DLG2: variants seen among roughly 807,000 people sequenced by gnomAD.
The protein encoded by DLG2 is disks large homolog 2.
DLG2 carries 45 observed loss-of-function variants against 132.5 expected under a neutral mutation model. That is an observed-to-expected ratio of 0.34 (90% CI 0.27 to 0.44). The LOEUF is 0.44. Ranked by LOEUF, DLG2 falls within the 20% of genes least tolerant of loss-of-function variation. The probability of loss-of-function intolerance (pLI) is 1.00; values close to 1 mark genes in which losing one functional copy is unlikely to be tolerated. For missense variants in DLG2, 1,045 were observed against 1,196.9 expected (o/e 0.87, Z 1.87); for synonymous variants, 424 against 419.6 (o/e 1.01, Z -0.13).
rs71465962 is a variant in DLG2 at position 84,106,868 on chromosome 11, TGA to T, written c.625-7823_625-7822del. On this transcript the variant is annotated intron_variant, in intron 9 of 27. Transcript: ENST00000376104. ...TTGAGTGAGTGTGTGTGTGTATGTGTGAGAGAGAGAGAGAGAGAGTTTTAGCT... is the reference window on the plus strand; with the variant it reads ...TTGAGTGAGTGTGTGTGTGTATGTGTGAGAGAGAGAGAGAGAGTTTTAGCT... 5.8e-3 allele frequency among the ~76,000 whole-genome samples: 793 copies of T among 137,588 alleles called. 7 individuals carry two copies. Among genetic ancestry groups the T allele is most frequent in the African/African-American group, 0.019 (677 of 36,448 alleles). The allele number at this position is 137,588 out of a possible 152,430, so 90.3% of individuals were successfully genotyped here.
chr11:84,777,321 A>ATG (rs1431604168), intron 6 of DLG2, among the ~76,000 whole-genome samples: 1 of 89,186 alleles, frequency 1.1e-5, no homozygotes, highest in Non-Finnish European at 2.4e-5. Flanking sequence ...ATATATATAT[A>ATG]TATACGTTTT....
chr11:84,227,878 C>T (rs907857150), intron 8 of DLG2, among the ~76,000 whole-genome samples: 2 of 142,208 alleles, frequency 1.4e-5, no homozygotes, highest in Admixed American at 7.5e-5. Flanking sequence ...CACACCACTG[C>T]ACTATAGCCT....
chr11:85,209,287 A>AT (rs903054212), intron 4 of DLG2, among the ~76,000 whole-genome samples: 9 of 151,716 alleles, frequency 5.9e-5, no homozygotes, highest in African/African-American at 9.7e-5. Flanking sequence ...ATCAATGTTG[A>AT]TTTTTTTTAG....
At chr11:83,651,034 A>G (rs1352863393) in intron 18 of DLG2, among the ~76,000 whole-genome samples, 1 of 152,136 alleles carries the variant, frequency 6.6e-6, no homozygotes, top group Non-Finnish European at 1.5e-5. Context: ...TCATATATAT[A>G]TTCATTTTTG....
Position 84,032,834 on chromosome 11 carries a change from A to G in DLG2, c.919+26481T>C, listed in dbSNP as rs372994066. 3.4e-3 allele frequency among the ~76,000 whole-genome samples: 518 copies of G among 152,196 alleles called. 1 individual carries two copies. Among genetic ancestry groups the G allele is most frequent in the South Asian group, 0.013 (63 of 4,818 alleles). ...AGTGGAAGCCAATGCTTATTTACCA[A>G]TCCCCAAATCCTGGAGCCCTTAAGA... is the stretch of plus-strand genomic sequence containing the variant. On this transcript the variant is annotated intron_variant, in intron 11 of 27. Coordinates refer to ENST00000376104, the MANE Select transcript of DLG2 (RefSeq NM_001142699.3).
chr11:84,465,445 T>C (rs1400581526), intron 7 of DLG2, among the ~76,000 whole-genome samples: 1 of 151,282 alleles, frequency 6.6e-6, no homozygotes, highest in Non-Finnish European at 1.5e-5. Flanking sequence ...GAGATTCTCA[T>C]GTTACGTGCA....
chr11:84,973,387 G>C (rs2054382596), intron 6 of DLG2, among the ~76,000 whole-genome samples: 1 of 152,158 alleles, frequency 6.6e-6, no homozygotes. Context: ...TGCAGCAAAT[G>C]GCTTCTTATG....
chr11:83,971,565 C>T (rs2091349161), intron 12 of DLG2, among the ~76,000 whole-genome samples: 1 of 152,060 alleles, frequency 6.6e-6, no homozygotes, highest in Non-Finnish European at 1.5e-5. Context: ...AAGATACTGA[C>T]CTTTCCATGT....
chr11:85,489,414 A>T (rs1339096764), intron 3 of DLG2, among the ~76,000 whole-genome samples: 2 of 152,188 alleles, frequency 1.3e-5, no homozygotes, highest in Non-Finnish European at 2.9e-5. Context: ...TTCAGAAAAC[A>T]AATATTATTA....
chr11:83,623,020 T>C (rs1347839132), intron 19 of DLG2, among the ~76,000 whole-genome samples: 3 of 152,184 alleles, frequency 2.0e-5, no homozygotes, highest in African/African-American at 4.8e-5. Flanking sequence ...GTCAATGGGG[T>C]GTTGAAGTCT....
intron 6 of DLG2, among the ~76,000 whole-genome samples, chr11:85,077,622 A>G (rs1343386976): frequency 2.7e-5 from 4 of 147,398 alleles, no homozygotes; most frequent in Non-Finnish European, 6.0e-5. Flanking sequence ...AATACATTTA[A>G]CATCATAATT....
chr11:84,048,718 C>T (rs2096289817), intron 11 of DLG2, among the ~76,000 whole-genome samples: 1 of 151,588 alleles, frequency 6.6e-6, no homozygotes, highest in Non-Finnish European at 1.5e-5. Flanking sequence ...TTAGTTTCTA[C>T]CAGTGGTCTG....
chr11:85,220,108 T>C (rs2074534615), intron 4 of DLG2, among the ~76,000 whole-genome samples: 1 of 152,142 alleles, frequency 6.6e-6, no homozygotes, highest in South Asian at 2.1e-4. Context: ...CAAAAATCTC[T>C]GCCCTTGTGA....
intron 15 of DLG2, among the ~76,000 whole-genome samples, chr11:83,894,851 A>T (rs1308376634): frequency 6.6e-6 from 1 of 152,074 alleles, no homozygotes; most frequent in Non-Finnish European, 1.5e-5. Context: ...CCTTCATGAG[A>T]TCCACCGTTT....
intron 6 of DLG2, among the ~76,000 whole-genome samples, chr11:84,682,335 C>T (rs533347601): frequency 2.0e-5 from 3 of 152,162 alleles, no homozygotes; most frequent in Non-Finnish European, 4.4e-5. Context: ...ACCTGATCTA[C>T]AGACTTCAGA....
intron 4 of DLG2, among the ~76,000 whole-genome samples, chr11:85,192,939 C>T (rs573225302): frequency 6.6e-6 from 1 of 152,194 alleles, no homozygotes; most frequent in African/African-American, 2.4e-5. Flanking sequence ...TGAAATATAA[C>T]TTTCTGTTCA....
chr11:85,430,513 T>C (rs995176012), intron 3 of DLG2, among the ~76,000 whole-genome samples: 1 of 152,100 alleles, frequency 6.6e-6, no homozygotes. Context: ...TCTGAATCCA[T>C]TAAAAATCCA....
chr11:83,835,548 A>G (rs982880072), intron 16 of DLG2, among the ~76,000 whole-genome samples: 1 of 152,234 alleles, frequency 6.6e-6, no homozygotes, highest in African/African-American at 2.4e-5. Flanking sequence ...TGGTGTTGTC[A>G]AAGAAGAACT....
intron 21 of DLG2, among the ~76,000 whole-genome samples, chr11:83,501,487 A>G (rs939048569): frequency 1.3e-5 from 2 of 152,094 alleles, no homozygotes; most frequent in Non-Finnish European, 2.9e-5. Context: ...TGCAATTTGA[A>G]CAAGTCATTC....
Sources: allele counts gnomAD v4.1 joint callset (sites outside exome capture counted in the v4.1 genomes callset), GRCh38; gene constraint gnomAD v4.1.1; transcripts MANE v1.5; gene names NCBI Gene and HGNC (gene_info 2026-07-23, HGNC 2026-07-21).